TUFT1: variants seen among roughly 807,000 people sequenced by gnomAD.
The protein encoded by TUFT1 is tuftelin.
TUFT1 carries 43 observed loss-of-function variants against 57.8 expected under a neutral mutation model. The observed-to-expected ratio is 0.74, with a 90% confidence interval of 0.58 to 0.96. The LOEUF is 0.96. TUFT1 is among the 40% of genes least tolerant of loss of function. The pLI is 0.00. For missense variants in TUFT1, 459 were observed against 489.0 expected (o/e 0.94, Z 0.58); for synonymous variants, 166 against 176.7 (o/e 0.94, Z 0.48).
chr1:151,551,992 A>T (rs1317318916), intron 1 of TUFT1, among the ~76,000 whole-genome samples: 3 of 152,146 alleles, frequency 2.0e-5, no homozygotes, highest in South Asian at 4.1e-4. Flanking sequence ...AAGCCCCCTC[A>T]TGTCCCCTTC....
rs774033494 is a variant in TUFT1, at chr1:151,582,577, A to G, written c.*870A>G. On this transcript the variant is annotated 3_prime_UTR_variant, in exon 13 of 13. Coordinates refer to ENST00000368849, the MANE Select transcript of TUFT1 (RefSeq NM_020127.3). ...GTTTTGCTTACATCTCATGATTGATATAATACCAAAGTTCTATAGCCTTCT... is the reference window on the plus strand; with the variant it reads ...GTTTTGCTTACATCTCATGATTGATGTAATACCAAAGTTCTATAGCCTTCT... 42 of 202,446 alleles carry G rather than the reference A, an allele frequency of 2.1e-4. No individual in the cohort carries two copies. The highest frequency in any genetic ancestry group is 9.4e-4 in the Admixed American group (17 of 18,038). 12.5% of individuals were successfully genotyped at this position (202,446 alleles called of 1,614,324 possible).
At chr1:151,548,256 T>C (rs937518632) in intron 1 of TUFT1, among the ~76,000 whole-genome samples, 3 of 152,154 alleles carry the variant, frequency 2.0e-5, no homozygotes, top group Non-Finnish European at 4.4e-5. Flanking sequence ...TTGGGTGCCA[T>C]TGTTACAAGG....
At chr1:151,555,780 A>G (rs1485502474) in intron 1 of TUFT1, among the ~76,000 whole-genome samples, 2 of 151,202 alleles carry the variant, frequency 1.3e-5, no homozygotes, top group Non-Finnish European at 3.0e-5. Flanking sequence ...CCGTCTCAAA[A>G]AAAAAAAAAA....
At chr1:151,545,745 TG>T in intron 1 of TUFT1, 1 of 477,238 alleles carries the variant, frequency 2.1e-6, no homozygotes, top group Non-Finnish European at 4.4e-6. Flanking sequence ...CCTCAACCAG[TG>T]GAGAGTCCCA....
chr1:151,562,012 G>A lies in TUFT1; in HGVS notation c.61-79G>A, dbSNP rs1325715761. The A allele has an allele frequency of 1.1e-5, 17 of 1,500,376 alleles. No homozygotes were observed. The Admixed American group carries it at 2.6e-4, about 23-fold the overall frequency. The allele number at this position is 1,500,376 out of a possible 1,614,324, so 92.9% of individuals were successfully genotyped here. On this transcript the variant is annotated intron_variant, in intron 1 of 12. Transcript: ENST00000368849. Reference sequence around the variant, plus strand: ...GACCCGCTCCACAGAGCTGGCAGAAGCACCCCTGTACTGGTAGCAGTTTGT... The same window carrying A: ...GACCCGCTCCACAGAGCTGGCAGAAACACCCCTGTACTGGTAGCAGTTTGT...
intron 1 of TUFT1, chr1:151,557,664 G>C (rs969488960): frequency 4.3e-6 from 4 of 927,540 alleles, no homozygotes; most frequent in Non-Finnish European, 7.2e-6. Context: ...TTACCAATGA[G>C]GGCATCCAGT....
intron 6 of TUFT1, 86 bp downstream of exon 6, chr1:151,566,314 C>T: frequency 1.0e-6 from 1 of 969,642 alleles, no homozygotes; most frequent in South Asian, 1.4e-5. Flanking sequence ...TGCTTTCTCT[C>T]TCTCTCTCTC....
chr1:151,581,970 A>C lies in TUFT1; in HGVS notation c.*263A>C, dbSNP rs904905912. 1.7e-6 allele frequency: 1 copy of C among 604,334 alleles called. No individual in the cohort carries two copies. The highest frequency in any genetic ancestry group is 3.0e-6 in the Non-Finnish European group (1 of 331,736). The allele number at this position is 604,334 out of a possible 1,614,324, so 37.4% of individuals were successfully genotyped here. A position where few individuals can be genotyped will look rare whatever the true frequency, so the allele number is the denominator to read the frequency against. Reference sequence around the variant, plus strand: ...GCCAGGGCAATATCTATATTCCTACAGTGACTATTTTTCTCTGTAGAGAGC... The same window carrying C: ...GCCAGGGCAATATCTATATTCCTACCGTGACTATTTTTCTCTGTAGAGAGC... On this transcript the variant is annotated 3_prime_UTR_variant, in exon 13 of 13. Coordinates refer to ENST00000368849, the MANE Select transcript of TUFT1 (RefSeq NM_020127.3).
chr1:151,554,695 CTT>C lies in TUFT1; in HGVS notation c.61-7371_61-7370del, dbSNP rs771656418. On this transcript the variant is annotated intron_variant, in intron 1 of 12. Coordinates refer to ENST00000368849, the MANE Select transcript of TUFT1 (RefSeq NM_020127.3). Reference sequence around the variant, plus strand: ...ACTGTGAACCACTGTGCCCGGCCCCCTTTTTTTTTTTTTTTTTTTTTTTTTTG... The same window carrying C: ...ACTGTGAACCACTGTGCCCGGCCCCCTTTTTTTTTTTTTTTTTTTTTTTTG... Among the ~76,000 whole-genome samples, 610 of 85,604 alleles carry C rather than the reference CTT, an allele frequency of 7.1e-3. 16 individuals are homozygous for C. The highest frequency in any genetic ancestry group is 0.021 in the African/African-American group (411 of 19,746). The allele number at this position is 85,604 out of a possible 152,430, so 56.2% of individuals were successfully genotyped here.
intron 1 of TUFT1, chr1:151,545,965 A>G (rs1170980061): frequency 2.7e-6 from 1 of 372,736 alleles, no homozygotes; most frequent in South Asian, 2.1e-5. Context: ...TAAGTAATAT[A>G]TCAGTTTTAT....
chr1:151,580,837 CA>C, intron 11 of TUFT1, 104 bp from the exon 12 acceptor site: 1 of 976,140 alleles, frequency 1.0e-6, no homozygotes, highest in South Asian at 1.4e-5. Context: ...GGGGTAGAGG[CA>C]ACAGCAGCAT....
intron 1 of TUFT1, among the ~76,000 whole-genome samples, chr1:151,543,292 A>G (rs1386561314): frequency 6.6e-6 from 1 of 151,066 alleles, no homozygotes; most frequent in African/African-American, 2.4e-5. Flanking sequence ...GAGGATAGAC[A>G]TTTTTGGTAG....
At chr1:151,577,960 A>G (rs1037048361) in intron 9 of TUFT1, among the ~76,000 whole-genome samples, 2 of 151,870 alleles carry the variant, frequency 1.3e-5, no homozygotes, top group Non-Finnish European at 2.9e-5. Context: ...CAGGAGGTCA[A>G]CCTGGCAGTG....
chr1:151,543,675 A>G (rs1215381898), intron 1 of TUFT1, among the ~76,000 whole-genome samples: 8 of 152,146 alleles, frequency 5.3e-5, no homozygotes, highest in South Asian at 2.1e-4. Flanking sequence ...GCTTACTACT[A>G]TTGGTGAATT....
chr1:151,552,705 C>A, intron 1 of TUFT1, among the ~76,000 whole-genome samples: 1 of 6,364 alleles, frequency 1.6e-4, no homozygotes, highest in Non-Finnish European at 6.1e-4. Context: ...GGGACTCTGT[C>A]TCAAAAAAAA....
At chr1:151,564,479 C>G (rs746060758) in intron 4 of TUFT1, 46 bp from the exon 5 acceptor site, 2 of 1,490,064 alleles carry the variant, frequency 1.3e-6, no homozygotes, top group Non-Finnish European at 1.9e-6. Flanking sequence ...TTGGCATGCT[C>G]TCTTTCTCTA....
intron 1 of TUFT1, chr1:151,561,524 G>C: frequency 2.1e-6 from 2 of 975,074 alleles, no homozygotes; most frequent in Non-Finnish European, 2.4e-6. Flanking sequence ...ACTTATGAAA[G>C]AAAACCTGCT....
chr1:151,572,081 G>A (rs1294110781), intron 7 of TUFT1, among the ~76,000 whole-genome samples: 1 of 152,114 alleles, frequency 6.6e-6, no homozygotes, highest in Admixed American at 6.6e-5. Flanking sequence ...CATGCCTGTG[G>A]TTCCAGCTAC....
At chr1:151,543,847 T>C (rs1013457384) in intron 1 of TUFT1, among the ~76,000 whole-genome samples, 1 of 152,092 alleles carries the variant, frequency 6.6e-6, no homozygotes, top group African/African-American at 2.4e-5. Context: ...AAGACCCAAG[T>C]GTTGTTATCA....
Sources: gnomAD v4.1 joint callset for allele counts (sites outside exome capture counted in the v4.1 genomes callset) on GRCh38, gnomAD v4.1.1 for gene constraint, MANE v1.5 for transcripts, NCBI Gene and HGNC (gene_info 2026-07-23, HGNC 2026-07-21) for gene names.